The following CDC42BPA variants were observed in gnomAD, a reference collection of about 807,000 sequenced individuals.
CDC42BPA encodes serine/threonine-protein kinase MRCK alpha.
A neutral mutation model predicts 223.5 loss-of-function variants in CDC42BPA; 80 were observed. That is an observed-to-expected ratio of 0.36 (90% CI 0.30 to 0.43). The LOEUF (loss-of-function observed/expected upper bound fraction) is 0.43. Among genes scored for constraint, CDC42BPA ranks in the 20% least tolerant of loss-of-function variants. The pLI, the probability that CDC42BPA is intolerant of heterozygous loss-of-function variation, is 1.00. For synonymous variants in CDC42BPA, 694 were observed against 718.6 expected (o/e 0.97, Z 0.55); for missense variants, 1,743 against 2,099.9 (o/e 0.83, Z 3.32).
intron 10 of CDC42BPA, among the ~76,000 whole-genome samples, chr1:227,136,796 A>G (rs1283145109): frequency 6.6e-6 from 1 of 152,244 alleles, no homozygotes; most frequent in Admixed American, 6.5e-5. Context: ...ACCCAGCACA[A>G]GTATTCTTCA....
chr1:227,243,035 A>G (rs1558851218), intron 2 of CDC42BPA, among the ~76,000 whole-genome samples: 1 of 152,220 alleles, frequency 6.6e-6, no homozygotes, highest in Non-Finnish European at 1.5e-5. Context: ...ACATGGATGG[A>G]GCCGGAGGCC....
At chr1:227,168,221 G>A (rs1197147793) in intron 5 of CDC42BPA, among the ~76,000 whole-genome samples, 1 of 151,978 alleles carries the variant, frequency 6.6e-6, no homozygotes, top group Non-Finnish European at 1.5e-5. Context: ...CATCACCCCT[G>A]GCTTCTTGTT....
intron 5 of CDC42BPA, among the ~76,000 whole-genome samples, chr1:227,167,933 T>TG (rs1387340295): frequency 2.4e-4 from 1 of 4,182 alleles, no homozygotes; most frequent in Non-Finnish European, 7.6e-4. Context: ...TCTTCTGTTC[T>TG]TTTTTTTTTT....
chr1:227,276,425 G>A (rs1448609612), intron 1 of CDC42BPA, among the ~76,000 whole-genome samples: 2 of 151,680 alleles, frequency 1.3e-5, no homozygotes, highest in Non-Finnish European at 2.9e-5. Flanking sequence ...TCTCCGCCTG[G>A]CAGCTGCCCC....
intron 12 of CDC42BPA, 101 bp from the exon 13 acceptor site, chr1:227,113,014 A>AG: frequency 9.2e-7 from 1 of 1,085,854 alleles, no homozygotes. Flanking sequence ...AGCCAAAATT[A>AG]TTCACCTTAG....
intron 5 of CDC42BPA, among the ~76,000 whole-genome samples, chr1:227,168,506 T>TTTTGTTTTTTTTTTTTTTTTG: frequency 7.4e-6 from 1 of 134,514 alleles, no homozygotes; most frequent in African/African-American, 2.8e-5. Context: ...TGTTTTTTTT[T>TTTTGTTTTTTTTTTTTTTTTG]TTTTTTTGAG....
intron 2 of CDC42BPA, among the ~76,000 whole-genome samples, chr1:227,233,838 C>T (rs1678489783): frequency 6.6e-6 from 1 of 152,106 alleles, no homozygotes; most frequent in African/African-American, 2.4e-5. Flanking sequence ...GAGGCTGAGG[C>T]AGGAGAATCA....
At chr1:227,236,896 A>G (rs1395226507) in intron 2 of CDC42BPA, among the ~76,000 whole-genome samples, 1 of 152,098 alleles carries the variant, frequency 6.6e-6, no homozygotes, top group East Asian at 1.9e-4. Context: ...TACAAAAGTT[A>G]GCCAGTTGTG....
intron 3 of CDC42BPA, among the ~76,000 whole-genome samples, chr1:227,201,203 G>A (rs905429459): frequency 6.6e-6 from 1 of 151,976 alleles, no homozygotes; most frequent in East Asian, 1.9e-4. Context: ...CTGGAGTACA[G>A]TGGTACAATC....
intron 1 of CDC42BPA, among the ~76,000 whole-genome samples, chr1:227,286,864 G>A (rs1327365747): frequency 1.3e-5 from 2 of 152,190 alleles, no homozygotes; most frequent in Non-Finnish European, 2.9e-5. Flanking sequence ...TTTAGATGGA[G>A]AAAAGAAGCT....
intron 9 of CDC42BPA, among the ~76,000 whole-genome samples, chr1:227,141,036 G>C (rs1292928696): frequency 6.6e-6 from 1 of 152,202 alleles, no homozygotes; most frequent in Non-Finnish European, 1.5e-5. Flanking sequence ...CTAGAAGACA[G>C]GAGAAGGTGG....
chr1:227,094,173 G>C (rs1244164100), intron 15 of CDC42BPA, among the ~76,000 whole-genome samples: 1 of 152,170 alleles, frequency 6.6e-6, no homozygotes, highest in Non-Finnish European at 1.5e-5. Context: ...TGAATTCTAA[G>C]AGCTGAGAAA....
chr1:227,119,964 T>G lies in CDC42BPA; in HGVS notation c.1514-27A>C, dbSNP rs1553346449. The G allele has an allele frequency of 9.7e-6, 15 of 1,546,032 alleles. No individual in the cohort carries two copies. In the South Asian group the frequency reaches 1.9e-4, roughly 19 times the overall value. On this transcript the variant is annotated intron_variant, in intron 11 of 36. Coordinates refer to ENST00000366766, the MANE Select transcript of CDC42BPA (RefSeq NM_001394014.1). ...TAAAAACAAAAGACAATGTTTCTTT[T>G]ACTATTTGTATAAAAGCAAATGATT...
chr1:227,132,441 T>C (rs1571865735), intron 10 of CDC42BPA, among the ~76,000 whole-genome samples: 1 of 147,058 alleles, frequency 6.8e-6, no homozygotes, highest in East Asian at 2.0e-4. Context: ...TGCTCAATGG[T>C]GCCCAGGCTG....
At chr1:227,143,577 G>C (rs1333080291) in intron 8 of CDC42BPA, among the ~76,000 whole-genome samples, 1 of 152,198 alleles carries the variant, frequency 6.6e-6, no homozygotes, top group African/African-American at 2.4e-5. Context: ...CTGAAGCGCT[G>C]TCTAGTGTTC....
chr1:227,313,029 C>T (rs1238252525), intron 1 of CDC42BPA, among the ~76,000 whole-genome samples: 2 of 152,074 alleles, frequency 1.3e-5, no homozygotes, highest in Admixed American at 6.5e-5. Flanking sequence ...TTAGGTAGTT[C>T]TTTATAGCAA....
intron 16 of CDC42BPA, among the ~76,000 whole-genome samples, chr1:227,086,039 T>C (rs546774261): frequency 6.6e-6 from 1 of 152,220 alleles, no homozygotes; most frequent in South Asian, 2.1e-4. Context: ...GCTTTCTGTT[T>C]CTGTAGAAAC....
chr1:227,074,900 A>C (rs1248202431), intron 17 of CDC42BPA, among the ~76,000 whole-genome samples: 1 of 152,210 alleles, frequency 6.6e-6, no homozygotes, highest in East Asian at 1.9e-4. Flanking sequence ...GTCTACCAAA[A>C]CCTAATTTCT....
chr1:227,059,835 T>C (rs77734208), intron 21 of CDC42BPA, among the ~76,000 whole-genome samples: 19,670 of 152,126 alleles, frequency 0.13, 1,338 homozygotes, highest in East Asian at 0.26. Context: ...TTTTCAAAAA[T>C]GATTCTTTTA....
Sources: gnomAD v4.1 joint callset for allele counts (sites outside exome capture counted in the v4.1 genomes callset) on GRCh38, gnomAD v4.1.1 for gene constraint, MANE v1.5 for transcripts, NCBI Gene and HGNC (gene_info 2026-07-23, HGNC 2026-07-21) for gene names.